The following SEMA6D variants were observed in gnomAD, a reference collection of about 807,000 sequenced individuals.
SEMA6D encodes semaphorin 6D.
Under a neutral mutation model 106.6 loss-of-function variants are expected in SEMA6D, and 35 were observed. The ratio of observed to expected loss-of-function variants is 0.33; its 90% confidence interval spans 0.25 to 0.44. The LOEUF (loss-of-function observed/expected upper bound fraction) is 0.44. SEMA6D is among the 20% of genes least tolerant of loss of function. The probability of loss-of-function intolerance (pLI) is 1.00; values close to 1 mark genes in which losing one functional copy is unlikely to be tolerated. For synonymous variants in SEMA6D, 499 were observed against 487.7 expected (o/e 1.02, Z -0.31); for missense variants, 1,185 against 1,345.9 (o/e 0.88, Z 1.87).
intron 2 of SEMA6D, among the ~76,000 whole-genome samples, chr15:47,413,997 G>T (rs1489004766): frequency 6.8e-6 from 1 of 147,778 alleles, no homozygotes; most frequent in African/African-American, 2.5e-5. Flanking sequence ...AAATTGCCTT[G>T]CTGCTTTATT....
chr15:47,369,964 T>C (rs1413888870), intron 1 of SEMA6D, among the ~76,000 whole-genome samples: 1 of 152,238 alleles, frequency 6.6e-6, no homozygotes, highest in East Asian at 1.9e-4. Flanking sequence ...GATGCTCTTA[T>C]TATCCCCATT....
At chr15:47,319,540 T>TC (rs1460382736) in intron 1 of SEMA6D, among the ~76,000 whole-genome samples, 1 of 151,762 alleles carries the variant, frequency 6.6e-6, no homozygotes, top group Non-Finnish European at 1.5e-5. Context: ...TTTGTTTTTC[T>TC]CCCCCCACCC....
At chr15:47,688,403 A>C (rs73392885) in intron 4 of SEMA6D, among the ~76,000 whole-genome samples, 9,315 of 152,266 alleles carry the variant, frequency 0.061, 1,002 homozygotes, top group African/African-American at 0.21. Context: ...ATCTAAATAC[A>C]AGAAAATTCT....
Position 47,770,588 on chromosome 15 carries a change from G to A in SEMA6D, c.2025G>A (p.Gly675=). The A allele has an allele frequency of 6.2e-7, 1 of 1,613,914 alleles. No homozygotes were observed. The highest frequency in any genetic ancestry group is 8.5e-7 in the Non-Finnish European group (1 of 1,179,930). ...GTGTCTTTGCTGCTTTTGTTTTGGG[G>A]GCATTCATTGCAGGTGTGGCAGTAT... ...ITCVFAAFVL[G]AFIAGVAVYC... The change falls in exon 19 of 19, where the codon GGG becomes GGA. Residue 675 remains glycine (G), a synonymous_variant. Transcript: ENST00000536845.
At chr15:47,622,196 C>A (rs2077115560) in intron 4 of SEMA6D, among the ~76,000 whole-genome samples, 4 of 144,458 alleles carry the variant, frequency 2.8e-5, no homozygotes, top group Non-Finnish European at 3.0e-5. Context: ...CAGGTGAAAC[C>A]CAGCCAAAAA....
At chr15:47,397,521 A>G (rs982642622) in intron 1 of SEMA6D, 1 of 142,430 alleles carries the variant, frequency 7.0e-6, no homozygotes, top group Non-Finnish European at 1.5e-5. Context: ...CAAGAGTCTT[A>G]TTTTTCTCTC....
chr15:47,288,561 C>T (rs765966233), intron 1 of SEMA6D, among the ~76,000 whole-genome samples: 1 of 152,168 alleles, frequency 6.6e-6, no homozygotes, highest in Non-Finnish European at 1.5e-5. Context: ...CTGGTTATCC[C>T]TCCACAGAAT....
intron 3 of SEMA6D, among the ~76,000 whole-genome samples, chr15:47,505,969 CAG>C (rs1338606901): frequency 2.0e-5 from 3 of 151,954 alleles, no homozygotes; most frequent in African/African-American, 7.3e-5. Flanking sequence ...GTGGAGAAGT[CAG>C]GGGGTGGAGG....
chr15:47,523,724 G>A (rs1371634858), intron 3 of SEMA6D, among the ~76,000 whole-genome samples: 1 of 152,148 alleles, frequency 6.6e-6, no homozygotes, highest in African/African-American at 2.4e-5. Flanking sequence ...AACTCTCCTA[G>A]TCACCCCTTC....
intron 1 of SEMA6D, among the ~76,000 whole-genome samples, chr15:47,211,761 G>A (rs2030035396): frequency 6.6e-6 from 1 of 152,020 alleles, no homozygotes; most frequent in Non-Finnish European, 1.5e-5. Flanking sequence ...GTTAGACTAG[G>A]AAAGGAAAGA....
At chr15:47,215,595 T>C (rs1371959609) in intron 1 of SEMA6D, among the ~76,000 whole-genome samples, 1 of 152,212 alleles carries the variant, frequency 6.6e-6, no homozygotes, top group Non-Finnish European at 1.5e-5. Flanking sequence ...ACATCTGATA[T>C]ATATGAGACA....
intron 4 of SEMA6D, among the ~76,000 whole-genome samples, chr15:47,631,432 C>G (rs978772715): frequency 2.0e-5 from 3 of 150,898 alleles, no homozygotes; most frequent in Non-Finnish European, 4.4e-5. Context: ...CCCTGGAAAT[C>G]TATAAATGTT....
chr15:47,336,433 C>G (rs1429751884), intron 1 of SEMA6D, among the ~76,000 whole-genome samples: 1 of 152,160 alleles, frequency 6.6e-6, no homozygotes, highest in East Asian at 1.9e-4. Context: ...GGAGCTGTTA[C>G]TGGGGCTCAT....
intron 3 of SEMA6D, among the ~76,000 whole-genome samples, chr15:47,529,070 C>G (rs898867354): frequency 3.9e-5 from 6 of 152,006 alleles, no homozygotes; most frequent in African/African-American, 1.2e-4. Context: ...TTGATTAACA[C>G]ACATGTTTAT....
At chr15:47,225,313 A>AT (rs1283027292) in intron 1 of SEMA6D, among the ~76,000 whole-genome samples, 1 of 151,934 alleles carries the variant, frequency 6.6e-6, no homozygotes, top group Non-Finnish European at 1.5e-5. Flanking sequence ...TCTCACCAGC[A>AT]TTTGGTGGTG....
chr15:47,569,464 G>C (rs956899889), intron 3 of SEMA6D, among the ~76,000 whole-genome samples: 2 of 152,118 alleles, frequency 1.3e-5, no homozygotes, highest in Non-Finnish European at 2.9e-5. Flanking sequence ...TCATTCCGTG[G>C]ATCCTGAACT....
intron 4 of SEMA6D, among the ~76,000 whole-genome samples, chr15:47,634,709 G>C (rs772323016): frequency 2.0e-5 from 3 of 152,060 alleles, no homozygotes; most frequent in East Asian, 3.9e-4. Flanking sequence ...CTACCCTGGT[G>C]GGGGCAATTG....
At chr15:47,204,719 C>T (rs370383412) in intron 1 of SEMA6D, among the ~76,000 whole-genome samples, 24 of 152,082 alleles carry the variant, frequency 1.6e-4, no homozygotes, top group South Asian at 1.5e-3. Context: ...CTATAATAGA[C>T]GGAGATCAAG....
intron 1 of SEMA6D, among the ~76,000 whole-genome samples, chr15:47,291,917 C>T (rs2035607571): frequency 6.6e-6 from 1 of 152,156 alleles, no homozygotes; most frequent in Admixed American, 6.6e-5. Context: ...AAAGTTTGGC[C>T]TCTGTTCTCG....
Sources: allele counts gnomAD v4.1 joint callset (sites outside exome capture counted in the v4.1 genomes callset), GRCh38; gene constraint gnomAD v4.1.1; transcripts MANE v1.5; gene names NCBI Gene and HGNC (gene_info 2026-07-23, HGNC 2026-07-21).